Variants in RPRD1A observed in about 807,000 individuals in gnomAD.
RPRD1A encodes regulation of nuclear pre-mRNA domain-containing protein 1A.
In RPRD1A, 9 loss-of-function variants were observed where a neutral mutation model predicts 37.8. That is an observed-to-expected ratio of 0.24 (90% CI 0.14 to 0.42). The LOEUF is 0.42. Among genes scored for constraint, RPRD1A ranks in the 10% least tolerant of loss-of-function variants. The pLI is 1.00. For missense variants in RPRD1A, 255 were observed against 371.0 expected (o/e 0.69, Z 2.57); for synonymous variants, 138 against 139.7 (o/e 0.99, Z 0.08).
intron 6 of RPRD1A, among the ~76,000 whole-genome samples, chr18:35,994,511 G>T (rs1033861068): frequency 1.8e-4 from 28 of 152,344 alleles, no homozygotes; most frequent in African/African-American, 6.0e-4. Flanking sequence ...CTGCTGTGAG[G>T]AATAATGAGG....
chr18:36,038,839 G>A (rs995661127), intron 1 of RPRD1A, among the ~76,000 whole-genome samples: 2 of 152,196 alleles, frequency 1.3e-5, no homozygotes, highest in Non-Finnish European at 2.9e-5. Context: ...TGCCCTGCTG[G>A]GTTTCGGACT....
At chr18:36,061,152 G>A (rs2088902974) in intron 1 of RPRD1A, among the ~76,000 whole-genome samples, 1 of 152,130 alleles carries the variant, frequency 6.6e-6, no homozygotes, top group African/African-American at 2.4e-5. Flanking sequence ...TCACCTTGCA[G>A]AGATGATTTC....
chr18:36,008,801 C>T (rs1239309588), intron 6 of RPRD1A, among the ~76,000 whole-genome samples: 2 of 151,706 alleles, frequency 1.3e-5, no homozygotes, highest in Non-Finnish European at 2.9e-5. Context: ...TTTCCAAAAT[C>T]TCACAAAATA....
Position 36,067,549 on chromosome 18 carries a change from A to G in RPRD1A, c.-145T>C, listed in dbSNP as rs1329145363. On this transcript the variant is annotated 5_prime_UTR_variant, in exon 1 of 7. Coordinates refer to ENST00000399022, the MANE Select transcript of RPRD1A (RefSeq NM_018170.5). Reference sequence around the variant, plus strand: ...CCGCTTCATCCAAGACCGGCCGCAAACCAGCAAGATGGCGTCCGGCCGGCA... The same window carrying G: ...CCGCTTCATCCAAGACCGGCCGCAAGCCAGCAAGATGGCGTCCGGCCGGCA... 9.2e-6 allele frequency: 7 copies of G among 757,594 alleles called. No homozygotes were observed. The highest frequency in any genetic ancestry group is 2.5e-4 in the Middle Eastern group (1 of 3,946). The allele number at this position is 757,594 out of a possible 1,614,324, so 46.9% of individuals were successfully genotyped here.
intron 6 of RPRD1A, among the ~76,000 whole-genome samples, chr18:36,013,341 G>A (rs1910297106): frequency 6.6e-6 from 1 of 152,152 alleles, no homozygotes; most frequent in African/African-American, 2.4e-5. Flanking sequence ...GAAGGAAAAT[G>A]AGAAAAGTGA....
At chr18:36,039,241 TC>T (rs1167395744) in intron 1 of RPRD1A, among the ~76,000 whole-genome samples, 4 of 152,168 alleles carry the variant, frequency 2.6e-5, no homozygotes, top group Non-Finnish European at 5.9e-5. Flanking sequence ...TCCTGAGGCC[TC>T]CCCAGCAATG....
chr18:36,056,937 G>A (rs1405924538), intron 1 of RPRD1A, among the ~76,000 whole-genome samples: 1 of 150,814 alleles, frequency 6.6e-6, no homozygotes. Context: ...TAAAAAAGGT[G>A]AGGCATGATG....
chr18:36,057,976 T>A (rs1913910836), intron 1 of RPRD1A, among the ~76,000 whole-genome samples: 1 of 152,244 alleles, frequency 6.6e-6, no homozygotes, highest in Non-Finnish European at 1.5e-5. Flanking sequence ...ATCTGCTCAA[T>A]CATCCTTGTT....
rs184884620 is a variant in RPRD1A, at chr18:36,010,985, C to T, written c.789+15915G>A. Among the ~76,000 whole-genome samples the T allele has an allele frequency of 5.6e-4, 85 of 152,252 alleles. 1 individual carries two copies. Among genetic ancestry groups the T allele is most frequent in the African/African-American group, 1.6e-3 (68 of 41,548 alleles). Reference sequence around the variant, plus strand: ...CACTTCCTCTTTGGGAGGACCACTGCGCTATAGACATAAAAATACTACAGA... The same window carrying T: ...CACTTCCTCTTTGGGAGGACCACTGTGCTATAGACATAAAAATACTACAGA... On this transcript the variant is annotated intron_variant, in intron 6 of 6. Coordinates refer to ENST00000399022, the MANE Select transcript of RPRD1A (RefSeq NM_018170.5).
At chr18:36,059,445 A>C (rs1255334225) in intron 1 of RPRD1A, among the ~76,000 whole-genome samples, 1 of 152,170 alleles carries the variant, frequency 6.6e-6, no homozygotes, top group Non-Finnish European at 1.5e-5. Context: ...GCCTTAATTA[A>C]AAATTTTTAA....
chr18:36,028,205 T>C (rs1178455933), intron 4 of RPRD1A: 1 of 152,064 alleles, frequency 6.6e-6, no homozygotes, highest in Non-Finnish European at 1.5e-5. Flanking sequence ...AGGATATTAG[T>C]AATTCTGTGT....
chr18:36,040,767 G>A, intron 1 of RPRD1A: 1 of 1,239,934 alleles, frequency 8.1e-7, no homozygotes, highest in Non-Finnish European at 1.1e-6. Flanking sequence ...TTTTAGGCAA[G>A]TGGTACTTAC....
At chr18:36,033,230 C>T (rs527262846) in intron 2 of RPRD1A, among the ~76,000 whole-genome samples, 1 of 136,646 alleles carries the variant, frequency 7.3e-6, no homozygotes, top group Non-Finnish European at 1.5e-5. Flanking sequence ...TGAACCCAAG[C>T]GGCAGAGGTT....
chr18:36,041,226 C>T (rs1356879988), intron 1 of RPRD1A, among the ~76,000 whole-genome samples: 5 of 152,224 alleles, frequency 3.3e-5, no homozygotes, highest in Non-Finnish European at 1.5e-5. Context: ...TAATAATCCC[C>T]ACGTATCTCT....
intron 1 of RPRD1A, among the ~76,000 whole-genome samples, chr18:36,060,368 AG>A (rs1367453768): frequency 2.6e-5 from 4 of 152,088 alleles, no homozygotes; most frequent in Middle Eastern, 3.2e-3. Context: ...GGGAAGGTGG[AG>A]GTTGCAGTGA....
intron 1 of RPRD1A, among the ~76,000 whole-genome samples, chr18:36,046,130 C>T (rs1455867786): frequency 6.6e-6 from 1 of 152,090 alleles, no homozygotes; most frequent in Non-Finnish European, 1.5e-5. Flanking sequence ...ACATTTTACA[C>T]AAAAACAGCT....
chr18:36,006,607 G>A (rs1428287803), intron 6 of RPRD1A, among the ~76,000 whole-genome samples: 1 of 152,204 alleles, frequency 6.6e-6, no homozygotes, highest in Non-Finnish European at 1.5e-5. Context: ...AGAATTCTGA[G>A]AATCTTGAAA....
At chr18:36,041,814 C>A (rs1912602694) in intron 1 of RPRD1A, among the ~76,000 whole-genome samples, 1 of 152,250 alleles carries the variant, frequency 6.6e-6, no homozygotes, top group African/African-American at 2.4e-5. Context: ...TCAATGGATT[C>A]TATCTGTCCC....
At chr18:36,065,752 T>C (rs1268035706) in intron 1 of RPRD1A, among the ~76,000 whole-genome samples, 1 of 152,256 alleles carries the variant, frequency 6.6e-6, no homozygotes, top group Admixed American at 6.5e-5. Context: ...TCATATTATT[T>C]TGCCAAATTG....
Sources: allele counts gnomAD v4.1 joint callset (sites outside exome capture counted in the v4.1 genomes callset), GRCh38; gene constraint gnomAD v4.1.1; transcripts MANE v1.5; gene names NCBI Gene and HGNC (gene_info 2026-07-23, HGNC 2026-07-21).